Variants in MVB12B observed in about 807,000 individuals in gnomAD.
MVB12B encodes ESCRT-I complex subunit MVB12B.
In MVB12B, 16 loss-of-function variants were observed where a neutral mutation model predicts 41.6. The observed-to-expected ratio is 0.38, with a 90% CI of 0.26 to 0.58. The LOEUF (loss-of-function observed/expected upper bound fraction) is 0.58, where lower values mean the gene tolerates loss of function less well. Ranked by LOEUF, MVB12B falls within the 20% of genes least tolerant of loss-of-function variation. The pLI is 0.62. For missense variants in MVB12B, 274 were observed against 380.2 expected, an observed-to-expected ratio of 0.72 and a Z score of 2.32; for synonymous variants, 133 against 139.7, an observed-to-expected ratio of 0.95 and a Z score of 0.34.
intron 2 of MVB12B, among the ~76,000 whole-genome samples, chr9:126,375,360 A>ATTTTTTTT (rs1258291219): frequency 2.2e-5 from 1 of 45,766 alleles, no homozygotes. Flanking sequence ...TTTTAAATTG[A>ATTTTTTTT]TTCTTTTTTT....
chr9:126,328,189 G>A (rs965234273), intron 1 of MVB12B, among the ~76,000 whole-genome samples: 1 of 152,082 alleles, frequency 6.6e-6, no homozygotes, highest in Non-Finnish European at 1.5e-5. Flanking sequence ...AATCATGTGG[G>A]GTCCTTGGAG....
chr9:126,337,093 G>T (rs1829305920), intron 1 of MVB12B, among the ~76,000 whole-genome samples: 1 of 152,188 alleles, frequency 6.6e-6, no homozygotes, highest in African/African-American at 2.4e-5. Flanking sequence ...AAAACACTGG[G>T]TCAGCTTTGG....
intron 6 of MVB12B, among the ~76,000 whole-genome samples, chr9:126,407,341 A>G (rs917101285): frequency 6.6e-6 from 1 of 152,134 alleles, no homozygotes; most frequent in African/African-American, 2.4e-5. Flanking sequence ...CCAAAAGCCC[A>G]AAGCAGGAGG....
At chr9:126,424,436 C>G (rs557834799) in intron 7 of MVB12B, among the ~76,000 whole-genome samples, 1 of 152,252 alleles carries the variant, frequency 6.6e-6, no homozygotes, top group East Asian at 1.9e-4. Flanking sequence ...CGAAGGGAAT[C>G]ATTTAGCCTC....
intron 7 of MVB12B, among the ~76,000 whole-genome samples, chr9:126,476,235 C>G (rs1481214178): frequency 6.6e-6 from 1 of 152,254 alleles, no homozygotes; most frequent in Non-Finnish European, 1.5e-5. Flanking sequence ...TACCGCTGAG[C>G]CTGCCTGAGG....
chr9:126,441,750 T>C (rs1392209930), intron 7 of MVB12B, among the ~76,000 whole-genome samples: 1 of 152,232 alleles, frequency 6.6e-6, no homozygotes, highest in East Asian at 1.9e-4. Flanking sequence ...TTGGTAACAT[T>C]ATTATGTAAT....
Position 126,446,596 on chromosome 9 carries a change from T to G in MVB12B, c.757+24648T>G, listed in dbSNP as rs115778197. Among the ~76,000 whole-genome samples, 618 of 152,064 alleles carry G rather than the reference T, an allele frequency of 4.1e-3. 2 individuals are homozygous for G. The highest frequency in any genetic ancestry group is 0.014 in the African/African-American group (598 of 41,524). ...GAGGAGATGGACAACTATTTCAGTT[T>G]CTTTCAGCATTAGTGATTTTTTTCA... On this transcript the variant is annotated intron_variant, in intron 7 of 9. Transcript: ENST00000361171.
At position 126,504,765 on chromosome 9, in the gene MVB12B, A is replaced by G. The variant is rs1402422720; in HGVS notation, c.*1502A>G. 1.3e-5 allele frequency: 2 copies of G among 152,594 alleles called. No individual in the cohort carries two copies. Among genetic ancestry groups the G allele is most frequent in the African/African-American group, 4.8e-5 (2 of 41,462 alleles). 9.5% of individuals were successfully genotyped at this position (152,594 alleles called of 1,614,324 possible). On this transcript the variant is annotated 3_prime_UTR_variant, in exon 10 of 10. Coordinates refer to ENST00000361171, the MANE Select transcript of MVB12B (RefSeq NM_033446.3). ...CTCGGATACCTCTTGATTTCTGTGG[A>G]TAAGGGAAGCGGCCACTTCTCCCTC...
intron 6 of MVB12B, among the ~76,000 whole-genome samples, chr9:126,400,660 G>A (rs975447404): frequency 1.3e-5 from 2 of 152,294 alleles, no homozygotes; most frequent in South Asian, 2.1e-4. Flanking sequence ...TCCTCAAGCC[G>A]TCGTCGATGC....
intron 2 of MVB12B, among the ~76,000 whole-genome samples, chr9:126,366,440 A>G (rs1308918225): frequency 6.6e-6 from 1 of 152,132 alleles, no homozygotes; most frequent in African/African-American, 2.4e-5. Flanking sequence ...AATAAAAGCG[A>G]CCTGTAATCC....
intron 6 of MVB12B, among the ~76,000 whole-genome samples, chr9:126,408,933 C>A (rs1292435579): frequency 1.3e-5 from 2 of 152,030 alleles, no homozygotes. Context: ...GCAAACATTC[C>A]CCTCCCCAAG....
intron 2 of MVB12B, among the ~76,000 whole-genome samples, chr9:126,352,805 G>A (rs936225565): frequency 6.6e-5 from 10 of 152,156 alleles, no homozygotes; most frequent in Non-Finnish European, 1.5e-4. Context: ...TTCAGAGTTA[G>A]CCAGAGAATC....
rs1554776184 is a variant in MVB12B at position 126,413,849 on chromosome 9, T to TGTGTGTGTGTGTGTGTGTGTGC, written c.663-8001_663-8000insGTGTGTGTGTGTGTGTGCGTGT. ...GTGTGTGTGTGTGTGTGTGTGTGTGTGTGTATAAGGGTTGGGAGATCAAAG... is the reference window on the plus strand; with the variant it reads ...GTGTGTGTGTGTGTGTGTGTGTGTGTGTGTGTGTGTGTGTGTGTGTGCGTGTATAAGGGTTGGGAGATCAAAG... On this transcript the variant is annotated intron_variant, in intron 6 of 9. Transcript: ENST00000361171. 4.0e-5 allele frequency among the ~76,000 whole-genome samples: 6 copies of TGTGTGTGTGTGTGTGTGTGTGC among 148,628 alleles called. No individual in the cohort carries two copies. The East Asian group carries it at 5.9e-4, about 15-fold the overall frequency.
At chr9:126,346,115 A>G (rs1829578639) in intron 2 of MVB12B, among the ~76,000 whole-genome samples, 1 of 152,170 alleles carries the variant, frequency 6.6e-6, no homozygotes, top group African/African-American at 2.4e-5. Flanking sequence ...GATTTTAAGA[A>G]AAAAGAGGCT....
intron 7 of MVB12B, among the ~76,000 whole-genome samples, chr9:126,437,768 A>T (rs575291748): frequency 9.8e-5 from 15 of 152,334 alleles, no homozygotes; most frequent in Middle Eastern, 6.8e-3. Flanking sequence ...GATATGACTG[A>T]TCCTCATAGT....
intron 6 of MVB12B, among the ~76,000 whole-genome samples, chr9:126,405,480 A>G (rs947103319): frequency 2.6e-4 from 39 of 152,180 alleles, no homozygotes; most frequent in Non-Finnish European, 1.2e-4. Context: ...TTTACCTTTT[A>G]TCAGAGTGGA....
rs1828982744 is a variant in MVB12B, at chr9:126,326,847, C to G, written c.-83C>G. ...CGCCGCCGCCGCCGCCGCCGCCGCT[C>G]TCGGTGAGGCTCGCGCTCGAGCTGC... is the stretch of plus-strand genomic sequence containing the variant. On this transcript the variant is annotated 5_prime_UTR_variant, in exon 1 of 10. Coordinates refer to ENST00000361171, the MANE Select transcript of MVB12B (RefSeq NM_033446.3). 2 of 146,680 alleles carry G rather than the reference C, an allele frequency of 1.4e-5. No individual in the cohort carries two copies. The highest frequency in any genetic ancestry group is 5.1e-5 in the African/African-American group (2 of 39,490). The allele number at this position is 146,680 out of a possible 1,614,324, so 9.1% of individuals were successfully genotyped here.
rs551414293 is a variant in MVB12B at position 126,391,891 on chromosome 9, G to A, written c.410-175G>A. 1.3e-5 allele frequency among the ~76,000 whole-genome samples: 2 copies of A among 152,280 alleles called. No homozygotes were observed. The highest frequency in any genetic ancestry group is 3.9e-4 in the East Asian group (2 of 5,178). On this transcript the variant is annotated intron_variant, in intron 4 of 9. Coordinates refer to ENST00000361171, the MANE Select transcript of MVB12B (RefSeq NM_033446.3). The surrounding 1 kb of genome is among the most constrained non-coding windows in gnomAD (Gnocchi z 4.4). ...GGGTTGGGTCCCACATGCAGAGCAG[G>A]GTGACTGCAGCCCCGGGGAAGGCAG... is the stretch of plus-strand genomic sequence containing the variant.
intron 7 of MVB12B, among the ~76,000 whole-genome samples, chr9:126,477,483 A>G (rs1478965320): frequency 1.3e-5 from 2 of 152,246 alleles, no homozygotes; most frequent in Non-Finnish European, 2.9e-5. Flanking sequence ...GAGAGGTTTA[A>G]TGGACTCACA....
Sources: gnomAD v4.1 joint callset for allele counts (sites outside exome capture counted in the v4.1 genomes callset) on GRCh38, gnomAD v4.1.1 for gene constraint, Gnocchi (gnomAD v3.1) non-coding constraint, MANE v1.5 for transcripts, NCBI Gene and HGNC (gene_info 2026-07-23, HGNC 2026-07-21) for gene names.